Variants in MMP16 observed in about 807,000 individuals in gnomAD.
MMP16 encodes matrix metallopeptidase 16.
Under a neutral mutation model 67.8 loss-of-function variants are expected in MMP16, and 12 were observed. The ratio of observed to expected loss-of-function variants is 0.18; its 90% CI spans 0.11 to 0.29. The LOEUF is 0.29. Among genes scored for constraint, MMP16 ranks in the 10% least tolerant of loss-of-function variants. The pLI, the probability that MMP16 is intolerant of heterozygous loss-of-function variation, is 1.00. For missense variants in MMP16, 475 were observed against 765.7 expected (o/e 0.62, Z 4.48); for synonymous variants, 249 against 255.9 (o/e 0.97, Z 0.26).
intron 1 of MMP16, among the ~76,000 whole-genome samples, chr8:88,284,556 G>T (rs1810793175): frequency 6.6e-6 from 1 of 151,680 alleles, no homozygotes; most frequent in Non-Finnish European, 1.5e-5. Context: ...TTTCAACACA[G>T]CCTGTTGTCT....
rs771082590 is a variant in MMP16 at position 88,167,853 on chromosome 8, T to C, written c.525A>G (p.Leu175=). 3 of 1,613,928 alleles carry C rather than the reference T, an allele frequency of 1.9e-6. No homozygotes were observed. In the African/African-American group the frequency reaches 4.0e-5, roughly 22 times the overall value. The part of the protein sequence containing the change: ...LTFEEVPYSE[L]ENGKRDVDIT... ...TATCCACATCACGTTTGCCATTTTC[T>C]AATTCACTGTAGGGAACTTCTTCAA... Residue 175 remains leucine, a synonymous_variant, in exon 4 of 10, where the codon TTA becomes TTG. Coordinates refer to ENST00000286614, the MANE Select transcript of MMP16 (RefSeq NM_005941.5).
intron 3 of MMP16, among the ~76,000 whole-genome samples, chr8:88,181,762 T>C (rs1054372806): frequency 6.6e-6 from 1 of 151,946 alleles, no homozygotes; most frequent in Admixed American, 6.5e-5. Context: ...TACCTGATAG[T>C]AAGACTTACT....
chr8:88,168,520 A>G (rs1280146781), intron 3 of MMP16, among the ~76,000 whole-genome samples: 2 of 152,174 alleles, frequency 1.3e-5, no homozygotes, highest in African/African-American at 4.8e-5. Context: ...TTCTAGTTAA[A>G]AATGTATTGT....
At chr8:88,309,679 C>G (rs1811266739) in intron 1 of MMP16, among the ~76,000 whole-genome samples, 1 of 152,038 alleles carries the variant, frequency 6.6e-6, no homozygotes. Context: ...ACTACACTTC[C>G]TCTACTTTTC....
chr8:88,235,388 C>A (rs1298029059), intron 1 of MMP16, among the ~76,000 whole-genome samples: 1 of 66,860 alleles, frequency 1.5e-5, no homozygotes, highest in Non-Finnish European at 4.3e-5. Flanking sequence ...AAGACTCCAT[C>A]TCAAAAAAAA....
intron 3 of MMP16, among the ~76,000 whole-genome samples, chr8:88,184,746 CAAAAAAAAAAAAAAAAAA>C (rs61606557): frequency 2.1e-5 from 1 of 47,494 alleles, no homozygotes; most frequent in Non-Finnish European, 3.5e-5. Context: ...GGCCCTGTCT[CAAAAAAAAAAAAAAAAAA>C]AAAAAAAAAA....
At chr8:88,293,540 CT>C (rs1456712037) in intron 1 of MMP16, among the ~76,000 whole-genome samples, 2 of 151,986 alleles carry the variant, frequency 1.3e-5, no homozygotes, top group Non-Finnish European at 2.9e-5. Flanking sequence ...TAATCCATTG[CT>C]TTTAAAAGAC....
At chr8:88,208,627 A>G (rs555705565) in intron 1 of MMP16, among the ~76,000 whole-genome samples, 6 of 152,244 alleles carry the variant, frequency 3.9e-5, no homozygotes, top group South Asian at 2.1e-4. Context: ...CAGATCCCCA[A>G]TAGAGAGAAA....
intron 6 of MMP16, among the ~76,000 whole-genome samples, chr8:88,083,499 G>T (rs549171097): frequency 6.6e-6 from 1 of 152,138 alleles, no homozygotes; most frequent in African/African-American, 2.4e-5. Context: ...ATTAAAGTGG[G>T]AATCAAAAGG....
At chr8:88,210,125 G>T (rs1809490630) in intron 1 of MMP16, among the ~76,000 whole-genome samples, 1 of 152,048 alleles carries the variant, frequency 6.6e-6, no homozygotes, top group Non-Finnish European at 1.5e-5. Flanking sequence ...CAGACTTCTA[G>T]CCTCCAAAAC....
intron 6 of MMP16, among the ~76,000 whole-genome samples, chr8:88,114,612 A>G (rs1809397984): frequency 6.6e-6 from 1 of 152,012 alleles, no homozygotes; most frequent in Non-Finnish European, 1.5e-5. Context: ...ATTATGTGAC[A>G]AAACGTTCTC....
At chr8:88,142,714 T>C (rs1028667558) in intron 4 of MMP16, among the ~76,000 whole-genome samples, 5 of 152,126 alleles carry the variant, frequency 3.3e-5, no homozygotes, top group Admixed American at 6.6e-5. Flanking sequence ...TATTTTAATA[T>C]TTATTATTTA....
At chr8:88,244,733 T>C (rs1267403328) in intron 1 of MMP16, among the ~76,000 whole-genome samples, 1 of 152,160 alleles carries the variant, frequency 6.6e-6, no homozygotes, top group Non-Finnish European at 1.5e-5. Flanking sequence ...AGAGACTTGA[T>C]TTTCAACTAC....
chr8:88,320,854 C>T (rs1016556211), intron 1 of MMP16, among the ~76,000 whole-genome samples: 1 of 152,102 alleles, frequency 6.6e-6, no homozygotes, highest in Non-Finnish European at 1.5e-5. Flanking sequence ...TGTCATGTGG[C>T]TCATCAAGCT....
At chr8:88,183,563 A>AG (rs952644983) in intron 3 of MMP16, among the ~76,000 whole-genome samples, 91 of 152,218 alleles carry the variant, frequency 6.0e-4, no homozygotes, top group African/African-American at 1.9e-3. Context: ...CTCTATTAGT[A>AG]GCTGTGCAAT....
chr8:88,205,539 T>G (rs1318100574), intron 1 of MMP16, among the ~76,000 whole-genome samples: 2 of 151,708 alleles, frequency 1.3e-5, no homozygotes, highest in Non-Finnish European at 2.9e-5. Context: ...AAAACAGCCT[T>G]GCATGGTCCA....
intron 4 of MMP16, among the ~76,000 whole-genome samples, chr8:88,148,919 C>T (rs747934648): frequency 3.3e-5 from 5 of 152,156 alleles, no homozygotes; most frequent in Non-Finnish European, 5.9e-5. Flanking sequence ...ACGCAGAAGA[C>T]GGGTGATTTC....
chr8:88,245,229 G>A (rs1013068100), intron 1 of MMP16, among the ~76,000 whole-genome samples: 8 of 152,114 alleles, frequency 5.3e-5, no homozygotes, highest in Non-Finnish European at 1.0e-4. Flanking sequence ...TTTCCATATC[G>A]TAGTTAGTTT....
chr8:88,071,977 AT>A (rs1808564543), intron 7 of MMP16, among the ~76,000 whole-genome samples: 2 of 152,134 alleles, frequency 1.3e-5, no homozygotes, highest in Admixed American at 6.6e-5. Flanking sequence ...TAAAAAAAAA[AT>A]ACCTTGCCTT....
Sources: allele counts gnomAD v4.1 joint callset (sites outside exome capture counted in the v4.1 genomes callset), GRCh38; gene constraint gnomAD v4.1.1; transcripts MANE v1.5; gene names NCBI Gene and HGNC (gene_info 2026-07-23, HGNC 2026-07-21).